The following DOCK9 variants were observed in gnomAD, a reference collection of about 807,000 sequenced individuals.
The protein encoded by DOCK9 is dedicator of cytokinesis protein 9.
In DOCK9, 89 loss-of-function variants were observed where a neutral mutation model predicts 263.3. The ratio of observed to expected loss-of-function variants is 0.34; its 90% CI spans 0.28 to 0.40. The LOEUF is 0.40. Ranked by LOEUF, DOCK9 falls within the 10% of genes least tolerant of loss-of-function variation. DOCK9 has a pLI of 1.00. For synonymous variants in DOCK9, 976 were observed against 973.1 expected (o/e 1.00, Z -0.06); for missense variants, 2,140 against 2,603.4 (o/e 0.82, Z 3.87).
intron 49 of DOCK9, among the ~76,000 whole-genome samples, chr13:98,803,938 ATTT>A (rs34751334): frequency 1.8e-3 from 259 of 142,344 alleles, no homozygotes; most frequent in Admixed American, 2.5e-3. Context: ...AAAAACCTGT[ATTT>A]TTTTTTTTTT....
chr13:98,885,433 G>A lies in DOCK9; in HGVS notation c.2260+275C>T, dbSNP rs181788484. ...AGCCTGGGCAACATGGCGAAATCCC[G>A]TCTCTACAAAAAAATACAAAAATTA... is the stretch of plus-strand genomic sequence containing the variant. On this transcript the variant is annotated intron_variant, in intron 20 of 52. Transcript: ENST00000682017. 81 of 526,506 alleles carry A rather than the reference G, an allele frequency of 1.5e-4. 1 individual carries two copies. In the East Asian group the frequency reaches 2.3e-3, roughly 15 times the overall value. The allele number at this position is 526,506 out of a possible 1,614,324, so 32.6% of individuals were successfully genotyped here.
intron 20 of DOCK9, 155 bp from the exon 21 acceptor site, chr13:98,885,247 C>A (rs2045500285): frequency 9.4e-7 from 1 of 1,065,476 alleles, no homozygotes; most frequent in Admixed American, 2.7e-5. Context: ...CTCTGCAGAA[C>A]ATTGTCTACA....
At chr13:98,813,801 G>A (rs554111688) in intron 45 of DOCK9, among the ~76,000 whole-genome samples, 61 of 151,744 alleles carry the variant, frequency 4.0e-4, no homozygotes, top group Admixed American at 9.2e-4. Flanking sequence ...CACCATGCCC[G>A]GCTAATTTTT....
Position 98,977,861 on chromosome 13 carries a change from G to T in DOCK9, c.49C>A (p.Leu17Met). Residue 17 changes from leucine (L) to methionine (M), a missense_variant, in exon 1 of 53, where the codon CTG becomes ATG. Around this residue, in one of 2 missense-constraint regions of DOCK9, gnomAD observed 1,521 missense variants for 1,741.7 expected, o/e 0.87. Transcript: ENST00000682017. ...RTSSRSVKKE[L>M]VIESPLQYKD... ...TATTGCAGGGGGGACTCAATCACCA[G>T]TTCCTTTTTGACACTTCTACTACTT... 1 of 1,604,724 alleles carries T rather than the reference G, an allele frequency of 6.2e-7. No homozygotes were observed. The highest frequency in any genetic ancestry group is 8.5e-7 in the Non-Finnish European group (1 of 1,175,154).
intron 13 of DOCK9, among the ~76,000 whole-genome samples, chr13:98,899,112 A>G (rs886472176): frequency 3.3e-5 from 5 of 150,798 alleles, no homozygotes; most frequent in African/African-American, 1.2e-4. Flanking sequence ...AGTCAAACCA[A>G]TTTTGGGAAA....
At chr13:98,869,374 G>T (rs1287877105) in intron 27 of DOCK9, among the ~76,000 whole-genome samples, 3 of 152,168 alleles carry the variant, frequency 2.0e-5, no homozygotes, top group Admixed American at 6.5e-5. Context: ...GAGAGGTTAG[G>T]TACATGTGTC....
intron 9 of DOCK9, among the ~76,000 whole-genome samples, chr13:98,905,873 A>G (rs1376916160): frequency 6.6e-6 from 1 of 152,160 alleles, no homozygotes; most frequent in African/African-American, 2.4e-5. Flanking sequence ...ACATTTCAGA[A>G]GCATCACTCG....
chr13:99,052,466 T>C (rs2040740486), intron 1 of DOCK9, among the ~76,000 whole-genome samples: 1 of 152,258 alleles, frequency 6.6e-6, no homozygotes, highest in Admixed American at 6.5e-5. Context: ...GGTTCCATGG[T>C]GTGAGGTGGT....
At chr13:99,026,474 A>C (rs920433088) in intron 1 of DOCK9, among the ~76,000 whole-genome samples, 5 of 152,226 alleles carry the variant, frequency 3.3e-5, no homozygotes, top group African/African-American at 9.6e-5. Flanking sequence ...GACAGCTAAG[A>C]ATGGTAAGAT....
chr13:98,831,962 A>G, intron 39 of DOCK9, 176 bp from the exon 40 acceptor site: 1 of 729,718 alleles, frequency 1.4e-6, no homozygotes, highest in Non-Finnish European at 2.1e-6. Context: ...AAGCAAATCT[A>G]TCAATACATT....
At chr13:99,006,930 G>A (rs1056984840) in intron 1 of DOCK9, among the ~76,000 whole-genome samples, 2 of 151,860 alleles carry the variant, frequency 1.3e-5, no homozygotes, top group Non-Finnish European at 2.9e-5. Context: ...GTCTCTATAA[G>A]AAATACAAAA....
chr13:98,944,376 A>G (rs1326533763), intron 2 of DOCK9, among the ~76,000 whole-genome samples: 4 of 114,756 alleles, frequency 3.5e-5, no homozygotes, highest in Non-Finnish European at 7.2e-5. Flanking sequence ...AGTGTCCACT[A>G]TATGAGAAAA....
intron 52 of DOCK9, among the ~76,000 whole-genome samples, 198 bp downstream of exon 52, chr13:98,796,917 C>T (rs2089490101): frequency 6.6e-6 from 1 of 152,060 alleles, no homozygotes; most frequent in Non-Finnish European, 1.5e-5. Flanking sequence ...CCCTGCTTGC[C>T]GTAGATAACA....
At chr13:98,850,164 G>A in intron 35 of DOCK9, 51 bp from the exon 36 acceptor site, 1 of 1,259,254 alleles carries the variant, frequency 7.9e-7, no homozygotes, top group Non-Finnish European at 1.1e-6. Flanking sequence ...TATACATTAT[G>A]GAGAATCACC....
At chr13:99,028,951 T>C (rs986022684) in intron 1 of DOCK9, among the ~76,000 whole-genome samples, 4 of 152,244 alleles carry the variant, frequency 2.6e-5, no homozygotes, top group African/African-American at 4.8e-5. Flanking sequence ...GCTCCAACCA[T>C]ACCCTTCCAA....
upstream of DOCK9, among the ~76,000 whole-genome samples, chr13:98,978,359 G>A (rs1433800170): frequency 6.6e-6 from 1 of 152,190 alleles, no homozygotes; most frequent in Non-Finnish European, 1.5e-5. Context: ...AAGGTTGTCT[G>A]CTTGTTCTAA....
intron 23 of DOCK9, 146 bp downstream of exon 23, chr13:98,882,896 C>T (rs1213342220): frequency 1.6e-6 from 1 of 643,056 alleles, no homozygotes; most frequent in East Asian, 2.8e-5. Flanking sequence ...CCACTTCTTA[C>T]CACTATCTAA....
At chr13:98,849,805 C>T (rs919507886) in intron 36 of DOCK9, among the ~76,000 whole-genome samples, 3 of 152,212 alleles carry the variant, frequency 2.0e-5, no homozygotes, top group African/African-American at 7.2e-5. Context: ...GACTTATACA[C>T]ATAAACAGTT....
At chr13:98,909,141 A>G (rs2049598926) in intron 9 of DOCK9, among the ~76,000 whole-genome samples, 1 of 152,240 alleles carries the variant, frequency 6.6e-6, no homozygotes, top group African/African-American at 2.4e-5. Context: ...AAATGGAGAC[A>G]GAAAATGCAC....
Sources: gnomAD v4.1 joint callset for allele counts (sites outside exome capture counted in the v4.1 genomes callset) on GRCh38, gnomAD v4.1.1 for gene constraint, gnomAD v4.1.1 regional missense constraint, MANE v1.5 for transcripts, NCBI Gene and HGNC (gene_info 2026-07-23, HGNC 2026-07-21) for gene names.